The following MAPKAP1 variants were observed in gnomAD, a reference collection of about 807,000 sequenced individuals.
The protein encoded by MAPKAP1 is target of rapamycin complex 2 subunit MAPKAP1.
In MAPKAP1, 20 loss-of-function variants were observed where a neutral mutation model predicts 65.7. The ratio of observed to expected loss-of-function variants is 0.30; its 90% CI spans 0.21 to 0.44. MAPKAP1 has a LOEUF of 0.44. Ranked by LOEUF, MAPKAP1 falls within the 20% of genes least tolerant of loss-of-function variation. MAPKAP1 has a pLI of 1.00. For missense variants in MAPKAP1, 423 were observed against 648.0 expected, an observed-to-expected ratio of 0.65 and a Z score of 3.77; for synonymous variants, 222 against 244.3, an observed-to-expected ratio of 0.91 and a Z score of 0.85.
At chr9:125,550,600 G>C (rs1393339148) in intron 6 of MAPKAP1, among the ~76,000 whole-genome samples, 1 of 152,236 alleles carries the variant, frequency 6.6e-6, no homozygotes, top group Non-Finnish European at 1.5e-5. Context: ...ATTCTTAGAA[G>C]TGTGTAATTA....
At chr9:125,506,538 T>A (rs1829147682) in intron 7 of MAPKAP1, 121 bp from the exon 8 acceptor site, 2 of 796,002 alleles carry the variant, frequency 2.5e-6, no homozygotes, top group South Asian at 3.3e-5. Flanking sequence ...AAGTCTGTCT[T>A]GAGGGTCTAG....
chr9:125,511,767 T>A (rs1367442679), intron 7 of MAPKAP1, among the ~76,000 whole-genome samples: 1 of 152,186 alleles, frequency 6.6e-6, no homozygotes, highest in East Asian at 1.9e-4. Flanking sequence ...CAAGGCAACA[T>A]CCACACTTTG....
chr9:125,570,585 T>C (rs1415288401), intron 5 of MAPKAP1, among the ~76,000 whole-genome samples: 1 of 152,200 alleles, frequency 6.6e-6, no homozygotes, highest in Non-Finnish European at 1.5e-5. Context: ...AAATAAAAGT[T>C]GCTAAGAGTT....
chr9:125,531,975 T>C (rs1018153544), intron 7 of MAPKAP1, among the ~76,000 whole-genome samples: 42 of 152,326 alleles, frequency 2.8e-4, no homozygotes, highest in African/African-American at 9.9e-4. Flanking sequence ...CTGACAAATG[T>C]ACACACTTGG....
chr9:125,680,086 A>AT (rs376323041), intron 1 of MAPKAP1, among the ~76,000 whole-genome samples: 304 of 141,940 alleles, frequency 2.1e-3, no homozygotes, highest in East Asian at 9.7e-3. Context: ...CAGATGCGAG[A>AT]TTTTTTTTTT....
At chr9:125,638,746 G>A (rs1467976616) in intron 4 of MAPKAP1, among the ~76,000 whole-genome samples, 1 of 152,150 alleles carries the variant, frequency 6.6e-6, no homozygotes, top group Non-Finnish European at 1.5e-5. Flanking sequence ...TCTGTCATCA[G>A]GAGAATAGTG....
Position 125,439,148 on chromosome 9 carries a change from C to T in MAPKAP1, c.1444-136G>A, listed in dbSNP as rs1033763956. 7.9e-6 allele frequency: 7 copies of T among 890,368 alleles called. No homozygotes were observed. The highest frequency in any genetic ancestry group is 8.4e-6 in the Non-Finnish European group (5 of 598,044). The allele number at this position is 890,368 out of a possible 1,614,324, so 55.2% of individuals were successfully genotyped here. A position where few individuals can be genotyped will look rare whatever the true frequency, so the allele number is the denominator to read the frequency against. On this transcript the variant is annotated intron_variant, in intron 11 of 11. Transcript: ENST00000265960. The surrounding 1 kb of genome is among the most constrained non-coding windows in gnomAD (Gnocchi z 4.0). ...CAGGTGCTGTCGTGTGGAAGGAGTC[C>T]AGTCATCACAGCAACCTGGCAGCGG...
At position 125,439,717 on chromosome 9, in the gene MAPKAP1, G is replaced by A. The variant is rs562704590; in HGVS notation, c.1444-705C>T. Among the ~76,000 whole-genome samples, 23 of 152,278 alleles carry A rather than the reference G, an allele frequency of 1.5e-4. No homozygotes were observed. The highest frequency in any genetic ancestry group is 2.2e-4 in the African/African-American group (9 of 41,580). ...TCCACGAAGCCCTGGGAGTCTGCCC[G>A]GAGTCGCATGTGCATCTTCCACTCT... On this transcript the variant is annotated intron_variant, in intron 11 of 11. Coordinates refer to ENST00000265960, the MANE Select transcript of MAPKAP1 (RefSeq NM_001006617.3). This position sits in a 1 kb window ranked among gnomAD's most constrained non-coding sequence, Gnocchi z 4.0.
At chr9:125,516,122 C>A (rs1460971642) in intron 7 of MAPKAP1, among the ~76,000 whole-genome samples, 2 of 152,208 alleles carry the variant, frequency 1.3e-5, no homozygotes, top group East Asian at 1.9e-4. Flanking sequence ...GCCGCACTGA[C>A]CTGATTTTAC....
chr9:125,643,766 T>C (rs181474179), intron 4 of MAPKAP1, among the ~76,000 whole-genome samples: 1 of 152,316 alleles, frequency 6.6e-6, no homozygotes, highest in Admixed American at 6.5e-5. Context: ...TAAGGACATA[T>C]ATATAATTAG....
Position 125,439,215 on chromosome 9 carries a change from T to C in MAPKAP1, c.1444-203A>G, listed in dbSNP as rs908164663. ...TGCTCTACGATGGGAAAACAGAGGC[T>C]TGGAGAAGCCAAGTGGCCAGTCCAG... On this transcript the variant is annotated intron_variant, in intron 11 of 11. Transcript: ENST00000265960. This position sits in a 1 kb window ranked among gnomAD's most constrained non-coding sequence, Gnocchi z 4.0. Among the ~76,000 whole-genome samples the C allele has an allele frequency of 6.6e-6, 1 of 152,188 alleles. No individual in the cohort carries two copies. Among genetic ancestry groups the C allele is most frequent in the African/African-American group, 2.4e-5 (1 of 41,458 alleles).
At chr9:125,606,090 T>C (rs993224692) in intron 4 of MAPKAP1, among the ~76,000 whole-genome samples, 9 of 152,110 alleles carry the variant, frequency 5.9e-5, no homozygotes, top group African/African-American at 2.2e-4. Context: ...AACTTAGAAA[T>C]AATTTTTAGT....
intron 8 of MAPKAP1, among the ~76,000 whole-genome samples, chr9:125,493,002 A>G (rs1449028936): frequency 1.3e-5 from 2 of 151,734 alleles, no homozygotes; most frequent in African/African-American, 4.8e-5. Context: ...AAAAAACATA[A>G]AGTCCACAAA....
intron 7 of MAPKAP1, among the ~76,000 whole-genome samples, chr9:125,508,035 G>A (rs900162722): frequency 3.3e-5 from 5 of 152,028 alleles, no homozygotes; most frequent in African/African-American, 4.8e-5. Context: ...GCATGGTGGT[G>A]CGCACCTGTA....
At chr9:125,546,436 G>A (rs1830427771) in intron 6 of MAPKAP1, among the ~76,000 whole-genome samples, 1 of 152,148 alleles carries the variant, frequency 6.6e-6, no homozygotes, top group African/African-American at 2.4e-5. Flanking sequence ...ACCCTCATAT[G>A]TTTCCAAAAC....
intron 4 of MAPKAP1, among the ~76,000 whole-genome samples, chr9:125,644,961 AATC>A (rs1833684056): frequency 6.6e-6 from 1 of 152,224 alleles, no homozygotes; most frequent in Admixed American, 6.5e-5. Context: ...GACATAGCGC[AATC>A]ATCAGTCATA....
intron 7 of MAPKAP1, among the ~76,000 whole-genome samples, chr9:125,507,407 G>T (rs950343505): frequency 1.3e-5 from 2 of 152,166 alleles, no homozygotes; most frequent in African/African-American, 4.8e-5. Context: ...GAGAGCTGAG[G>T]GAAGCATCAG....
At chr9:125,664,498 G>C (rs1490701089) in intron 3 of MAPKAP1, among the ~76,000 whole-genome samples, 3 of 151,688 alleles carry the variant, frequency 2.0e-5, no homozygotes, top group South Asian at 4.2e-4. Flanking sequence ...GCCGAGGCGA[G>C]AAGATCACTT....
intron 5 of MAPKAP1, among the ~76,000 whole-genome samples, chr9:125,583,464 T>C (rs60217698): frequency 0.02 from 2,988 of 152,302 alleles, 163 homozygotes; most frequent in East Asian, 0.15. Flanking sequence ...TATTTCCAGA[T>C]CTAGCACAGT....
Sources: allele counts gnomAD v4.1 joint callset (sites outside exome capture counted in the v4.1 genomes callset), GRCh38; gene constraint gnomAD v4.1.1; non-coding constraint Gnocchi (gnomAD v3.1); transcripts MANE v1.5; gene names NCBI Gene and HGNC (gene_info 2026-07-23, HGNC 2026-07-21).